GALNTL6: variants seen among roughly 807,000 people sequenced by gnomAD.
The protein encoded by GALNTL6 is polypeptide N-acetylgalactosaminyltransferase-like 6.
Under a neutral mutation model 73.7 loss-of-function variants are expected in GALNTL6, and 46 were observed. That is an observed-to-expected ratio of 0.62 (90% confidence interval 0.49 to 0.80). GALNTL6 has a LOEUF of 0.80. Among genes scored for constraint, GALNTL6 ranks in the 30% least tolerant of loss-of-function variants. GALNTL6 has a pLI of 0.00. For missense variants in GALNTL6, 604 were observed against 755.0 expected (o/e 0.80, Z 2.34); for synonymous variants, 259 against 263.7 (o/e 0.98, Z 0.17).
chr4:172,564,918 G>A (rs1170474302), intron 5 of GALNTL6, among the ~76,000 whole-genome samples: 1 of 152,192 alleles, frequency 6.6e-6, no homozygotes, highest in Non-Finnish European at 1.5e-5. Context: ...AATGTTAAAT[G>A]GGTGTCTTAG....
chr4:172,874,482 G>T (rs948167142), intron 7 of GALNTL6, among the ~76,000 whole-genome samples: 3 of 152,126 alleles, frequency 2.0e-5, no homozygotes, highest in African/African-American at 7.2e-5. Context: ...AAATGAGGTG[G>T]GAAACAGGAG....
At chr4:172,546,063 C>A (rs1735734775) in intron 5 of GALNTL6, among the ~76,000 whole-genome samples, 1 of 152,158 alleles carries the variant, frequency 6.6e-6, no homozygotes, top group Admixed American at 6.6e-5. Context: ...TATACACAGA[C>A]TTCTGCACAC....
chr4:172,153,142 C>T (rs141325752), intron 2 of GALNTL6, among the ~76,000 whole-genome samples: 3 of 152,294 alleles, frequency 2.0e-5, no homozygotes, highest in East Asian at 3.9e-4. Context: ...CCATTTCCAT[C>T]GTTGTGTGGA....
intron 5 of GALNTL6, among the ~76,000 whole-genome samples, chr4:172,369,785 C>T (rs545708681): frequency 2.0e-3 from 307 of 152,284 alleles, no homozygotes; most frequent in African/African-American, 5.2e-3. Context: ...ACCGAGCCTG[C>T]GCCCACCTGG....
intron 5 of GALNTL6, among the ~76,000 whole-genome samples, chr4:172,402,131 A>G (rs951723452): frequency 6.6e-6 from 1 of 151,956 alleles, no homozygotes; most frequent in Admixed American, 6.6e-5. Flanking sequence ...AAATGCTACT[A>G]TTTCATTTCA....
rs185588127 is a variant in GALNTL6, at chr4:172,172,408, T to C, written c.139-57248T>C. The stretch of plus-strand genomic sequence containing the variant: ...GATGAGGTTTCACTATGTTGGCCAA[T>C]CTTGTCTCGAACTCCAGACCTCAGG... On this transcript the variant is annotated intron_variant, in intron 2 of 12. Transcript: ENST00000506823. Among the ~76,000 whole-genome samples, 301 of 152,108 alleles carry C rather than the reference T, an allele frequency of 2.0e-3. 2 individuals carry two copies. Among genetic ancestry groups the C allele is most frequent in the Admixed American group, 7.0e-3 (107 of 15,278 alleles).
chr4:172,827,585 G>A (rs556653474), intron 7 of GALNTL6, among the ~76,000 whole-genome samples: 86 of 152,152 alleles, frequency 5.7e-4, no homozygotes, highest in African/African-American at 2.0e-3. Flanking sequence ...ATTAGAACTG[G>A]GCCAAAACCT....
At chr4:172,417,636 G>A (rs1730893055) in intron 5 of GALNTL6, among the ~76,000 whole-genome samples, 1 of 151,850 alleles carries the variant, frequency 6.6e-6, no homozygotes, top group Non-Finnish European at 1.5e-5. Context: ...GTGGCAGAGT[G>A]AGACCCTGTC....
chr4:172,340,348 G>C (rs573276636), intron 4 of GALNTL6, among the ~76,000 whole-genome samples: 1 of 152,242 alleles, frequency 6.6e-6, no homozygotes, highest in East Asian at 1.9e-4. Context: ...AGTCCAGCTT[G>C]ATTATGGTGT....
chr4:172,868,965 T>C (rs1435140530), intron 7 of GALNTL6, among the ~76,000 whole-genome samples: 3 of 152,196 alleles, frequency 2.0e-5, no homozygotes, highest in African/African-American at 7.2e-5. Context: ...CACACCATAA[T>C]CTATCAGGCT....
chr4:172,482,469 C>T (rs553410681), intron 5 of GALNTL6, among the ~76,000 whole-genome samples: 4 of 152,294 alleles, frequency 2.6e-5, no homozygotes, highest in East Asian at 1.9e-4. Context: ...ATAGGCTTTA[C>T]AAATTGATGG....
chr4:171,833,906 A>C (rs1320085955), intron 2 of GALNTL6, among the ~76,000 whole-genome samples: 1 of 151,888 alleles, frequency 6.6e-6, no homozygotes, highest in Non-Finnish European at 1.5e-5. Flanking sequence ...TAGCAAAATC[A>C]TTTCAACCAC....
intron 5 of GALNTL6, among the ~76,000 whole-genome samples, chr4:172,503,080 A>G (rs1469718981): frequency 6.6e-6 from 1 of 152,234 alleles, no homozygotes; most frequent in Non-Finnish European, 1.5e-5. Context: ...TAAAAGTTAA[A>G]GAAGCAAAAA....
At chr4:172,933,974 CT>C (rs1283409086) in intron 9 of GALNTL6, among the ~76,000 whole-genome samples, 2 of 152,186 alleles carry the variant, frequency 1.3e-5, no homozygotes, top group African/African-American at 4.8e-5. Flanking sequence ...ACACAAATGT[CT>C]GAACAGCCTT....
At chr4:171,950,567 GC>G (rs1465443603) in intron 2 of GALNTL6, among the ~76,000 whole-genome samples, 4 of 147,940 alleles carry the variant, frequency 2.7e-5, no homozygotes, top group East Asian at 2.0e-4. Flanking sequence ...TGCAACCTCT[GC>G]CCCCAGGTTC....
chr4:172,606,459 C>CAAA (rs10622983), intron 5 of GALNTL6, among the ~76,000 whole-genome samples: 5 of 121,132 alleles, frequency 4.1e-5, no homozygotes, highest in Non-Finnish European at 5.0e-5. Flanking sequence ...TGTCTCAAAA[C>CAAA]AAAAAAAAAA....
chr4:171,960,489 A>G (rs1739189037), intron 2 of GALNTL6, among the ~76,000 whole-genome samples: 1 of 151,972 alleles, frequency 6.6e-6, no homozygotes, highest in Admixed American at 6.6e-5. Context: ...TGTGTTCCCC[A>G]GGCTGGTCTC....
rs148951699 is a variant in GALNTL6 at position 172,960,217 on chromosome 4, C to T, written c.1371+7959C>T. Among the ~76,000 whole-genome samples, 827 of 152,136 alleles carry T rather than the reference C, an allele frequency of 5.4e-3. 10 individuals are homozygous for T. The highest frequency in any genetic ancestry group is 0.019 in the African/African-American group (771 of 41,502). On this transcript the variant is annotated intron_variant, in intron 10 of 12. Coordinates refer to ENST00000506823, the MANE Select transcript of GALNTL6 (RefSeq NM_001034845.3). Reference sequence around the variant, plus strand: ...AACTGGGCTGGGTTTTTATATTCGACGAAAAAGAGCCTAAACGCTAACTGA... The same window carrying T: ...AACTGGGCTGGGTTTTTATATTCGATGAAAAAGAGCCTAAACGCTAACTGA...
chr4:172,281,535 A>G (rs1298466422), intron 3 of GALNTL6, among the ~76,000 whole-genome samples: 1 of 152,018 alleles, frequency 6.6e-6, no homozygotes, highest in Non-Finnish European at 1.5e-5. Flanking sequence ...TCTCTACTAA[A>G]AAAAAATACA....
Sources: gnomAD v4.1 joint callset for allele counts (sites outside exome capture counted in the v4.1 genomes callset) on GRCh38, gnomAD v4.1.1 for gene constraint, MANE v1.5 for transcripts, NCBI Gene and HGNC (gene_info 2026-07-23, HGNC 2026-07-21) for gene names.